The following GRM1 variants were observed in gnomAD, a reference collection of about 807,000 sequenced individuals.
GRM1 encodes the protein metabotropic glutamate receptor 1.
A neutral mutation model predicts 90.9 loss-of-function variants in GRM1; 33 were observed. That is an observed-to-expected ratio of 0.36 (90% CI 0.28 to 0.49). GRM1 has a LOEUF of 0.49. GRM1 is among the 20% of genes least tolerant of loss of function. GRM1 has a pLI of 0.99. For missense variants in GRM1, 1,190 were observed against 1,534.3 expected (o/e 0.78, Z 3.75); for synonymous variants, 700 against 613.2 (o/e 1.14, Z -2.09).
rs1785639399 is a variant in GRM1, at chr6:146,357,684, G to A, written c.1592G>A (p.Gly531Asp). The A allele has an allele frequency of 6.2e-7, 1 of 1,613,756 alleles. No individual in the cohort carries two copies. Among genetic ancestry groups the A allele is most frequent in the Non-Finnish European group, 8.5e-7 (1 of 1,179,712 alleles). ...RSVCSEPCLKGQIKVIRKGEV... is the reference protein window; with the variant it reads ...RSVCSEPCLKDQIKVIRKGEV... Reference sequence around the variant, plus strand: ...GTGTGCAGTGAGCCTTGCTTAAAGGGCCAGATTAAGGTAAGCCACAAATGC... The same window carrying A: ...GTGTGCAGTGAGCCTTGCTTAAAGGACCAGATTAAGGTAAGCCACAAATGC... The change falls in exon 5 of 8, where the codon GGC becomes GAC. Residue 531 changes from glycine to aspartate, a missense_variant. This residue lies in a region of GRM1 where 414 missense variants were observed against 598.4 expected (regional missense o/e 0.69). Transcript: ENST00000282753.
chr6:146,166,687 C>A (rs1300483498), intron 2 of GRM1, among the ~76,000 whole-genome samples: 2 of 152,094 alleles, frequency 1.3e-5, no homozygotes, highest in Non-Finnish European at 2.9e-5. Context: ...AAACATAACT[C>A]AAGGTTATGA....
intron 1 of GRM1, among the ~76,000 whole-genome samples, chr6:146,057,881 T>A (rs919986512): frequency 1.7e-4 from 26 of 152,218 alleles, no homozygotes; most frequent in African/African-American, 5.8e-4. Flanking sequence ...AAATTTTTTA[T>A]TTTCATTGGG....
At chr6:146,030,352 AC>A in intron 1 of GRM1, 135 bp downstream of exon 1, 1 of 726,510 alleles carries the variant, frequency 1.4e-6, no homozygotes, top group Non-Finnish European at 2.5e-6. Flanking sequence ...AGTACTGCCC[AC>A]CCAGGCATTG....
At chr6:146,188,423 A>G (rs1338300693) in intron 2 of GRM1, among the ~76,000 whole-genome samples, 1 of 152,106 alleles carries the variant, frequency 6.6e-6, no homozygotes, top group Non-Finnish European at 1.5e-5. Flanking sequence ...GAGAATGGCA[A>G]TTCTCTATTG....
intron 2 of GRM1, among the ~76,000 whole-genome samples, chr6:146,185,750 T>G (rs1050955044): frequency 2.0e-5 from 3 of 152,174 alleles, no homozygotes; most frequent in Non-Finnish European, 4.4e-5. Flanking sequence ...CCACAGTTCT[T>G]AAAATACATT....
intron 2 of GRM1, among the ~76,000 whole-genome samples, chr6:146,210,652 T>C (rs945429158): frequency 2.0e-5 from 3 of 152,122 alleles, no homozygotes; most frequent in Admixed American, 6.6e-5. Context: ...CATGACACTG[T>C]TGTGAAAGTT....
At chr6:146,141,123 G>A (rs1776863864) in intron 1 of GRM1, among the ~76,000 whole-genome samples, 1 of 152,100 alleles carries the variant, frequency 6.6e-6, no homozygotes, top group Non-Finnish European at 1.5e-5. Context: ...TTCTTCATGG[G>A]TGAAGGATAT....
chr6:146,148,876 C>T (rs1777211727), intron 1 of GRM1, among the ~76,000 whole-genome samples: 1 of 151,962 alleles, frequency 6.6e-6, no homozygotes, highest in African/African-American at 2.4e-5. Context: ...TACAACCTTC[C>T]TGTTTTTGAT....
At chr6:146,145,314 G>T (rs944888021) in intron 1 of GRM1, among the ~76,000 whole-genome samples, 2 of 152,142 alleles carry the variant, frequency 1.3e-5, no homozygotes, top group African/African-American at 2.4e-5. Flanking sequence ...GACAATGGAA[G>T]AAAGACCCCA....
rs187780957 is a variant in GRM1 at position 146,085,567 on chromosome 6, A to G, written c.700+55350A>G. ...GACCCTTTGTTAAATATAAGTGACA[A>G]GCTTTAGAAGTTTTATTTCAGTATC... is the stretch of plus-strand genomic sequence containing the variant. On this transcript the variant is annotated intron_variant, in intron 1 of 7. Transcript: ENST00000282753. Among the ~76,000 whole-genome samples, 117 of 152,290 alleles carry G rather than the reference A, an allele frequency of 7.7e-4. 2 individuals carry two copies. The highest frequency in any genetic ancestry group is 6.1e-3 in the Admixed American group (94 of 15,286).
At chr6:146,380,797 T>G (rs1196006514) in intron 5 of GRM1, among the ~76,000 whole-genome samples, 1 of 152,118 alleles carries the variant, frequency 6.6e-6, no homozygotes, top group Non-Finnish European at 1.5e-5. Context: ...GTATCACTGT[T>G]GGTTATACAG....
intron 1 of GRM1, among the ~76,000 whole-genome samples, chr6:146,050,758 A>T (rs1202630698): frequency 6.6e-6 from 1 of 152,042 alleles, no homozygotes; most frequent in Non-Finnish European, 1.5e-5. Context: ...AGCCTCTCTT[A>T]CTTAGTCCCT....
chr6:146,237,188 T>C (rs886619271), intron 2 of GRM1, among the ~76,000 whole-genome samples: 7 of 152,098 alleles, frequency 4.6e-5, no homozygotes, highest in Non-Finnish European at 8.8e-5. Flanking sequence ...TTTTCCTATA[T>C]ATTTTTTTAA....
At chr6:146,375,729 T>G (rs534976717) in intron 5 of GRM1, among the ~76,000 whole-genome samples, 1 of 152,218 alleles carries the variant, frequency 6.6e-6, no homozygotes, top group African/African-American at 2.4e-5. Context: ...TTGGTCTCCA[T>G]TAGCACGGAT....
chr6:146,111,209 C>A (rs1775545789), intron 1 of GRM1, among the ~76,000 whole-genome samples: 1 of 152,110 alleles, frequency 6.6e-6, no homozygotes, highest in South Asian at 2.1e-4. Context: ...CATAGCACAG[C>A]CATTTTGGAG....
intron 2 of GRM1, 187 bp downstream of exon 2, chr6:146,159,784 A>G: frequency 1.7e-6 from 1 of 594,204 alleles, no homozygotes; most frequent in Non-Finnish European, 3.0e-6. Context: ...GAATATTGGC[A>G]TCTTCCTGCT....
rs1778563023 is a variant in GRM1, at chr6:146,435,306, C to T, written c.*510C>T. On this transcript the variant is annotated 3_prime_UTR_variant, in exon 8 of 8. Transcript: ENST00000282753. ...GGAAGGGCCCAGGCCAGACCCATCCCAAACGGATGATGGGATGATGGGACA... is the reference window on the plus strand; with the variant it reads ...GGAAGGGCCCAGGCCAGACCCATCCTAAACGGATGATGGGATGATGGGACA... The T allele has an allele frequency of 9.0e-6, 2 of 221,754 alleles. No homozygotes were observed. Among genetic ancestry groups the T allele is most frequent in the South Asian group, 1.4e-4 (2 of 14,512 alleles). 13.7% of individuals were successfully genotyped at this position (221,754 alleles called of 1,614,324 possible). A position where few individuals can be genotyped will look rare whatever the true frequency, so the allele number is the denominator to read the frequency against.
intron 2 of GRM1, among the ~76,000 whole-genome samples, chr6:146,236,451 G>A (rs1000907374): frequency 2.0e-5 from 3 of 152,044 alleles, no homozygotes; most frequent in African/African-American, 7.2e-5. Context: ...CATTCCCCTA[G>A]GAGTACACTG....
rs1775537909 is a variant in GRM1, at chr6:146,057,992, A to C, written c.700+27775A>C. On this transcript the variant is annotated intron_variant, in intron 1 of 7. Transcript: ENST00000282753. ...CACCCAAGCAGTATACACTGAACCC[A>C]ATTTGTAGTTTTTTGGATTTACTTT... Among the ~76,000 whole-genome samples, 3 of 152,126 alleles carry C rather than the reference A, an allele frequency of 2.0e-5. No homozygotes were observed. In the South Asian group the frequency reaches 6.2e-4, roughly 32 times the overall value.
Sources: gnomAD v4.1 joint callset for allele counts (sites outside exome capture counted in the v4.1 genomes callset) on GRCh38, gnomAD v4.1.1 for gene constraint, gnomAD v4.1.1 regional missense constraint, MANE v1.5 for transcripts, NCBI Gene and HGNC (gene_info 2026-07-23, HGNC 2026-07-21) for gene names.